CFAP70: variants seen among roughly 807,000 people sequenced by gnomAD.
The protein encoded by CFAP70 is cilia- and flagella-associated protein 70.
In CFAP70, 81 loss-of-function variants were observed where a neutral mutation model predicts 137.6. The observed-to-expected ratio is 0.59, with a 90% confidence interval of 0.49 to 0.71. The LOEUF (loss-of-function observed/expected upper bound fraction) is 0.71, where lower values mean the gene tolerates loss of function less well. CFAP70 is among the 30% of genes least tolerant of loss of function. The pLI, the probability that CFAP70 is intolerant of heterozygous loss-of-function variation, is 0.00. For missense variants in CFAP70, 976 were observed against 1,226.7 expected (o/e 0.80, Z 3.05); for synonymous variants, 382 against 423.6 (o/e 0.90, Z 1.20).
chr10:73,329,854 C>A (rs947900265), intron 8 of CFAP70, among the ~76,000 whole-genome samples: 4 of 152,132 alleles, frequency 2.6e-5, no homozygotes, highest in African/African-American at 9.7e-5. Flanking sequence ...CTGTATTTAT[C>A]TTGGTTCAAA....
At chr10:73,323,361 G>A (rs2051071634) in intron 8 of CFAP70, among the ~76,000 whole-genome samples, 2 of 150,660 alleles carry the variant, frequency 1.3e-5, no homozygotes, top group Non-Finnish European at 1.5e-5. Flanking sequence ...TGGCCGAATA[G>A]GAACAGCTCC....
At chr10:73,353,803 T>G in intron 2 of CFAP70, 61 bp from the exon 3 acceptor site, 1 of 1,528,140 alleles carries the variant, frequency 6.5e-7, no homozygotes, top group Non-Finnish European at 8.9e-7. Context: ...CCCACACATC[T>G]GGTAACCCAT....
intron 1 of CFAP70, among the ~76,000 whole-genome samples, chr10:73,356,241 C>T (rs1441018198): frequency 6.6e-6 from 1 of 151,542 alleles, no homozygotes. Context: ...TTCTGTCACC[C>T]AGGCTGGAGT....
chr10:73,347,106 G>A (rs1430317599), intron 4 of CFAP70: 1 of 152,218 alleles, frequency 6.6e-6, no homozygotes, highest in Non-Finnish European at 1.5e-5. Flanking sequence ...TTCCATTTAG[G>A]TATATGTAAG....
chr10:73,267,008 G>C (rs1259458575), intron 25 of CFAP70, among the ~76,000 whole-genome samples: 1 of 151,890 alleles, frequency 6.6e-6, no homozygotes, highest in Admixed American at 6.6e-5. Context: ...ATGTATTTAA[G>C]GCTATAAATT....
At chr10:73,316,915 G>A (rs2050437042) in intron 9 of CFAP70, among the ~76,000 whole-genome samples, 1 of 152,120 alleles carries the variant, frequency 6.6e-6, no homozygotes, top group African/African-American at 2.4e-5. Context: ...AGCAACTGAT[G>A]CCATTTCCTT....
chr10:73,348,625 A>C, intron 3 of CFAP70, 104 bp from the exon 4 acceptor site: 1 of 766,706 alleles, frequency 1.3e-6, no homozygotes, highest in Non-Finnish European at 2.0e-6. Context: ...GTTAAAAAAA[A>C]ATAAACTTGA....
intron 25 of CFAP70, among the ~76,000 whole-genome samples, chr10:73,263,263 T>G (rs1388447897): frequency 6.6e-6 from 1 of 151,610 alleles, no homozygotes. Flanking sequence ...GCCCAGCTAA[T>G]TTTTTTAATG....
At chr10:73,338,950 C>T (rs578036937) in intron 6 of CFAP70, among the ~76,000 whole-genome samples, 1 of 149,694 alleles carries the variant, frequency 6.7e-6, no homozygotes, top group Non-Finnish European at 1.5e-5. Flanking sequence ...GACACGGTCT[C>T]GCTCTGACAC....
At chr10:73,259,054 C>T (rs1453023773) in intron 25 of CFAP70, among the ~76,000 whole-genome samples, 1 of 152,124 alleles carries the variant, frequency 6.6e-6, no homozygotes. Flanking sequence ...GTGACCCACA[C>T]CCTATTCGTA....
At chr10:73,345,329 C>T in intron 4 of CFAP70, 85 bp from the exon 6 acceptor site, 3 of 1,206,346 alleles carry the variant, frequency 2.5e-6, no homozygotes, top group Non-Finnish European at 2.4e-6. Flanking sequence ...TCTCATATTA[C>T]TGTTCAAGAT....
chr10:73,317,138 C>G (rs916267211), intron 9 of CFAP70, among the ~76,000 whole-genome samples: 1 of 152,164 alleles, frequency 6.6e-6, no homozygotes, highest in Non-Finnish European at 1.5e-5. Context: ...CTGCCTCAGC[C>G]TCTTGAGCAG....
At chr10:73,344,793 T>A (rs546764825) in intron 5 of CFAP70, among the ~76,000 whole-genome samples, 3 of 152,158 alleles carry the variant, frequency 2.0e-5, no homozygotes, top group Middle Eastern at 3.2e-3. Context: ...ATAATCTGTA[T>A]AGAAATACAC....
At chr10:73,335,589 G>T in intron 6 of CFAP70, 65 bp from the exon 8 acceptor site, 2 of 1,149,666 alleles carry the variant, frequency 1.7e-6, no homozygotes, top group Admixed American at 2.1e-5. Context: ...TCCATCTATA[G>T]GGCATTCTTT....
exon 14 of CFAP70, chr10:73,299,018 C>T (rs763913215): frequency 2.5e-6 from 4 of 1,613,908 alleles, no homozygotes; most frequent in Non-Finnish European, 3.4e-6. Context: ...CCAGTTTGGC[C>T]ACCTGTTTTC....
intron 24 of CFAP70, chr10:73,272,679 C>T (rs979761881): frequency 5.3e-6 from 3 of 563,536 alleles, no homozygotes; most frequent in Non-Finnish European, 9.5e-6. Flanking sequence ...TACCAAATAA[C>T]ATGAATTTTT....
chr10:73,349,949 T>C (rs745967836), intron 3 of CFAP70, among the ~76,000 whole-genome samples: 1 of 152,152 alleles, frequency 6.6e-6, no homozygotes, highest in South Asian at 2.1e-4. Flanking sequence ...AAAACCACAA[T>C]CAGTTTACCA....
intron 19 of CFAP70, among the ~76,000 whole-genome samples, chr10:73,290,159 G>A (rs1341521506): frequency 1.3e-5 from 2 of 152,016 alleles, no homozygotes; most frequent in African/African-American, 2.4e-5. Flanking sequence ...ACTAATTGTG[G>A]TATATCCATA....
chr10:73,286,841 A>G (rs1462146597), intron 19 of CFAP70, among the ~76,000 whole-genome samples: 1 of 152,244 alleles, frequency 6.6e-6, no homozygotes, highest in African/African-American at 2.4e-5. Context: ...ATTAGCTAAA[A>G]GTATGCCTTA....
Sources: allele counts gnomAD v4.1 joint callset (sites outside exome capture counted in the v4.1 genomes callset), GRCh38; gene constraint gnomAD v4.1.1; transcripts MANE v1.5; gene names NCBI Gene and HGNC (gene_info 2026-07-23, HGNC 2026-07-21).